Variants in E4F1 observed in about 807,000 individuals in gnomAD.
E4F1 encodes transcription factor E4F1.
E4F1 carries 30 observed loss-of-function variants against 72.9 expected under a neutral mutation model. That is an observed-to-expected ratio of 0.41 (90% CI 0.31 to 0.56). The LOEUF is 0.56. Among genes scored for constraint, E4F1 ranks in the 20% least tolerant of loss-of-function variants. The probability of loss-of-function intolerance (pLI) is 0.25; values close to 1 mark genes in which losing one functional copy is unlikely to be tolerated. For synonymous variants in E4F1, 542 were observed against 478.2 expected (o/e 1.13, Z -1.74); for missense variants, 1,091 against 1,117.5 (o/e 0.98, Z 0.34).
In E4F1 at chr16:2,225,242, C is replaced by T. The variant is rs148003042; in HGVS notation, c.157+1472C>T. Among the ~76,000 whole-genome samples, 17 of 152,022 alleles carry T rather than the reference C, an allele frequency of 1.1e-4. No individual in the cohort carries two copies. The East Asian group carries it at 1.7e-3, about 16-fold the overall frequency. ...AGAAAAAAGATTGTGTGTCATGTGCCGAGAGCAGTGTTGGGGATGCACTAA... is the reference window on the plus strand; with the variant it reads ...AGAAAAAAGATTGTGTGTCATGTGCTGAGAGCAGTGTTGGGGATGCACTAA... On this transcript the variant is annotated intron_variant, in intron 1 of 13. Transcript: ENST00000301727.
intron 2 of E4F1, among the ~76,000 whole-genome samples, chr16:2,228,756 G>A (rs1567298500): frequency 6.6e-6 from 1 of 152,224 alleles, no homozygotes; most frequent in African/African-American, 2.4e-5. Context: ...GTCGAAGCCC[G>A]TGCTGTTGGG....
At position 2,231,923 on chromosome 16, in the gene E4F1, A is replaced by G. The variant is rs75636456; in HGVS notation, c.416-248A>G. On this transcript the variant is annotated intron_variant, in intron 3 of 13. Coordinates refer to ENST00000301727, the MANE Select transcript of E4F1 (RefSeq NM_004424.5). Reference sequence around the variant, plus strand: ...CTCCATGGTGGGTCTCCCTGTGGACACATTTAGGGGCCCTGGAGCATCTCT... The same window carrying G: ...CTCCATGGTGGGTCTCCCTGTGGACGCATTTAGGGGCCCTGGAGCATCTCT... 4,179 of 525,008 alleles carry G rather than the reference A, an allele frequency of 8.0e-3. 128 individuals are homozygous for G. Among genetic ancestry groups the G allele is most frequent in the African/African-American group, 0.068 (3,547 of 51,796 alleles). The allele number at this position is 525,008 out of a possible 1,614,324, so 32.5% of individuals were successfully genotyped here.
At chr16:2,228,210 C>T in intron 1 of E4F1, 162 bp from the exon 2 acceptor site, 1 of 953,034 alleles carries the variant, frequency 1.0e-6, no homozygotes, top group Middle Eastern at 2.1e-4. Context: ...TTGGGATGAC[C>T]TTGTTTTGGG....
chr16:2,229,272 C>T (rs928082849), intron 2 of E4F1, among the ~76,000 whole-genome samples: 2 of 152,266 alleles, frequency 1.3e-5, no homozygotes, highest in Non-Finnish European at 2.9e-5. Context: ...CAGCTTCCTG[C>T]CAGAGTTGCT....
At chr16:2,232,096 C>T in intron 3 of E4F1, 75 bp from the exon 4 acceptor site, 2 of 1,572,054 alleles carry the variant, frequency 1.3e-6, no homozygotes, top group African/African-American at 1.3e-5. Context: ...CAGGTCCCCT[C>T]CCCTGGAGCC....
In E4F1 at chr16:2,232,242, C is replaced by G. The variant is rs748690987; in HGVS notation, c.487C>G (p.Pro163Ala). The part of the protein sequence containing the change: ...ELGDGEMAEA[P>A]GSPRQQGLGL... ...GGGAGACGGTGAGATGGCCGAGGCCCCGGGCAGCCCCCGCCAGCAGGGGCT... is the reference window on the plus strand; with the variant it reads ...GGGAGACGGTGAGATGGCCGAGGCCGCGGGCAGCCCCCGCCAGCAGGGGCT... The change falls in exon 4 of 14, where the codon CCG (proline) becomes GCG (alanine). Residue 163 changes from proline (P) to alanine (A), a missense_variant. By Grantham distance (27) the Pro-to-Ala change is conservative. Around this residue, in one of 5 missense-constraint regions of E4F1, gnomAD observed 362 missense variants for 358.6 expected, o/e 1.01. Coordinates refer to ENST00000301727, the MANE Select transcript of E4F1 (RefSeq NM_004424.5). The G allele has an allele frequency of 1.9e-6, 3 of 1,612,600 alleles. No homozygotes were observed. Among genetic ancestry groups the G allele is most frequent in the Non-Finnish European group, 2.5e-6 (3 of 1,179,808 alleles).
chr16:2,232,808 T>G lies in E4F1; in HGVS notation c.783T>G (p.Gly261=), dbSNP rs765020785. 5 of 1,613,244 alleles carry G rather than the reference T, an allele frequency of 3.1e-6. No individual in the cohort carries two copies. In the African/African-American group the frequency reaches 5.3e-5, roughly 17 times the overall value. The stretch of plus-strand genomic sequence containing the variant: ...GTGGAAAGAGCTTCCGGGAGTCGGG[T>G]GCACTGACCCGGCACCTCAAGTCTC... The part of the protein sequence containing the change: ...SKCGKSFRES[G]ALTRHLKSLT... The change falls in exon 6 of 14, where the codon GGT becomes GGG. Residue 261 remains glycine (G), a synonymous_variant. Coordinates refer to ENST00000301727, the MANE Select transcript of E4F1 (RefSeq NM_004424.5).
In E4F1 at chr16:2,232,041, T is replaced by C. The variant is rs1172684913; in HGVS notation, c.416-130T>C. On this transcript the variant is annotated intron_variant, in intron 3 of 13. Coordinates refer to ENST00000301727, the MANE Select transcript of E4F1 (RefSeq NM_004424.5). The stretch of plus-strand genomic sequence containing the variant: ...CTTGGCTGTTGCTCGGACCTGTGTG[T>C]TGAGGGCTCAGTGCAGGTTGGGTCC... 3.2e-5 allele frequency: 37 copies of C among 1,166,572 alleles called. No individual in the cohort carries two copies. The South Asian group carries it at 5.3e-4, about 17-fold the overall frequency. 72.3% of individuals were successfully genotyped at this position (1,166,572 alleles called of 1,614,324 possible).
chr16:2,235,606 C>T lies in E4F1; in HGVS notation c.*34C>T, dbSNP rs200695415. On this transcript the variant is annotated 3_prime_UTR_variant, in exon 14 of 14. Transcript: ENST00000301727. ...CTGCGGGGTCCTGGCCGGGCAGGGA[C>T]AGGGCAGAGGACTCTGAGCGCCCCA... is the stretch of plus-strand genomic sequence containing the variant. The T allele has an allele frequency of 1.5e-4, 236 of 1,540,510 alleles. No homozygotes were observed. The African/African-American group carries it at 2.6e-3, about 17-fold the overall frequency.
Position 2,229,779 on chromosome 16 carries a change from C to G in E4F1, c.415+104C>G, listed in dbSNP as rs562930418. 1.2e-5 allele frequency: 16 copies of G among 1,337,958 alleles called. No homozygotes were observed. In the South Asian group the frequency reaches 2.0e-4, roughly 17 times the overall value. The allele number at this position is 1,337,958 out of a possible 1,614,324, so 82.9% of individuals were successfully genotyped here. ...TGCTCGTCTCTCCCGAGACCAGGGC[C>G]TGGCTGGGAGGGGCCGCGGCCTCGT... On this transcript the variant is annotated intron_variant, in intron 3 of 13. Transcript: ENST00000301727.
intron 1 of E4F1, among the ~76,000 whole-genome samples, chr16:2,225,941 A>C (rs2093429874): frequency 6.6e-6 from 1 of 152,096 alleles, no homozygotes; most frequent in Non-Finnish European, 1.5e-5. Context: ...AAAATACAAA[A>C]AATTAGCTGG....
chr16:2,233,456 C>T lies in E4F1; in HGVS notation c.1075C>T (p.Leu359Phe). 1 of 1,505,474 alleles carries T rather than the reference C, an allele frequency of 6.6e-7. No individual in the cohort carries two copies. The highest frequency in any genetic ancestry group is 8.8e-7 in the Non-Finnish European group (1 of 1,132,432). The allele number at this position is 1,505,474 out of a possible 1,614,324, so 93.3% of individuals were successfully genotyped here. Residue 359 changes from leucine (L) to phenylalanine (F), a missense_variant, in exon 8 of 14, where the codon CTC becomes TTC. Coordinates refer to ENST00000301727, the MANE Select transcript of E4F1 (RefSeq NM_004424.5). Reference protein sequence around the residue: ...LAPEPPVSQELPCSSEGSREN... With the variant: ...LAPEPPVSQEFPCSSEGSREN... ...CCTGCAGCCCCCCGTCTCCCAGGAG[C>T]TCCCCTGCTCCAGCGAGGGCAGCCG...
chr16:2,229,123 C>T (rs570400416), intron 2 of E4F1, among the ~76,000 whole-genome samples: 1 of 152,250 alleles, frequency 6.6e-6, no homozygotes, highest in Non-Finnish European at 1.5e-5. Flanking sequence ...CACTCTGAGC[C>T]TGTGCTCTTT....
intron 9 of E4F1, 52 bp downstream of exon 9, chr16:2,234,042 C>A: frequency 6.5e-7 from 1 of 1,537,502 alleles, no homozygotes; most frequent in Non-Finnish European, 8.8e-7. Context: ...CTATAGGTGG[C>A]CGGGGTGCTT....
intron 1 of E4F1, 87 bp from the exon 2 acceptor site, chr16:2,228,285 G>T (rs757761284): frequency 3.2e-6 from 5 of 1,562,138 alleles, no homozygotes; most frequent in Non-Finnish European, 4.4e-6. Flanking sequence ...GGGGGAATCT[G>T]TTCTAGGGCT....
chr16:2,233,748 T>C, intron 8 of E4F1, 101 bp downstream of exon 8: 10 of 1,438,552 alleles, frequency 7.0e-6, no homozygotes, highest in Non-Finnish European at 8.4e-6. Context: ...TGCAGTGACT[T>C]TGTCCATTGA....
At chr16:2,229,449 C>G in intron 2 of E4F1, 121 bp from the exon 3 acceptor site, 1 of 1,035,534 alleles carries the variant, frequency 9.7e-7, no homozygotes, top group South Asian at 1.4e-5. Flanking sequence ...GACGTGGACC[C>G]AGGCCTGAGC....
At position 2,232,497 on chromosome 16, in the gene E4F1, C is replaced by G; in HGVS notation, c.651C>G (p.Arg217=). ...LKAHMVTHSS[R]KDHECKLCGA... ...CCCACATGGTCACTCACAGCAGCCG[C>G]AAGGACCACGAGTGCAAGCTCTGTG... Residue 217 remains arginine (R), a synonymous_variant, in exon 5 of 14, where the codon CGC becomes CGG. Coordinates refer to ENST00000301727, the MANE Select transcript of E4F1 (RefSeq NM_004424.5). The G allele has an allele frequency of 6.2e-7, 1 of 1,611,772 alleles. No homozygotes were observed. Among genetic ancestry groups the G allele is most frequent in the Admixed American group, 1.7e-5 (1 of 59,822 alleles).
intron 1 of E4F1, among the ~76,000 whole-genome samples, chr16:2,224,396 C>T (rs2093418818): frequency 2.0e-5 from 3 of 152,232 alleles, no homozygotes; most frequent in South Asian, 2.1e-4. Flanking sequence ...AAGCCCTTAT[C>T]CTGCTTTAGG....
Sources: gnomAD v4.1 joint callset for allele counts (sites outside exome capture counted in the v4.1 genomes callset) on GRCh38, gnomAD v4.1.1 for gene constraint, gnomAD v4.1.1 regional missense constraint, MANE v1.5 for transcripts, NCBI Gene and HGNC (gene_info 2026-07-23, HGNC 2026-07-21) for gene names.